NUP37: variants seen among roughly 807,000 people sequenced by gnomAD.
NUP37 encodes the protein nucleoporin 37, also known as nucleoporin Nup37.
In NUP37, 33 loss-of-function variants were observed where a neutral mutation model predicts 45.4. That is an observed-to-expected ratio of 0.73 (90% CI 0.55 to 0.97). The LOEUF is 0.97. Among genes scored for constraint, NUP37 ranks in the 50% least tolerant of loss-of-function variants. The pLI, the probability that NUP37 is intolerant of heterozygous loss-of-function variation, is 0.00. For synonymous variants in NUP37, 127 were observed against 130.7 expected (o/e 0.97, Z 0.19); for missense variants, 365 against 389.7 (o/e 0.94, Z 0.53).
At chr12:102,075,813 C>A (rs953552976) in intron 8 of NUP37, among the ~76,000 whole-genome samples, 9 of 152,118 alleles carry the variant, frequency 5.9e-5, no homozygotes, top group South Asian at 4.1e-4. Context: ...GGGGATGAGA[C>A]ATAATTAGTT....
chr12:102,074,949 C>T, intron 9 of NUP37, 52 bp downstream of exon 9: 1 of 1,202,894 alleles, frequency 8.3e-7, no homozygotes. Context: ...AAGTCAAAAA[C>T]ACAAATTAAA....
chr12:102,092,563 G>T (rs901994709), intron 5 of NUP37, among the ~76,000 whole-genome samples: 3 of 152,178 alleles, frequency 2.0e-5, no homozygotes, highest in Admixed American at 6.5e-5. Context: ...ATGATTCAAA[G>T]AAGGGTAAGT....
At chr12:102,074,966 A>C in intron 9 of NUP37, 35 bp downstream of exon 9, 1 of 1,337,618 alleles carries the variant, frequency 7.5e-7, no homozygotes, top group East Asian at 2.4e-5. Context: ...TAAAAAAAAA[A>C]AAAGCACGTA....
At chr12:102,106,062 T>C (rs933279228) in intron 3 of NUP37, among the ~76,000 whole-genome samples, 1 of 151,892 alleles carries the variant, frequency 6.6e-6, no homozygotes. Flanking sequence ...ACAGAGGAGA[T>C]ATGAAGGGTA....
intron 1 of NUP37, chr12:102,118,933 A>T (rs1193238935): frequency 6.1e-6 from 1 of 163,032 alleles, no homozygotes; most frequent in Non-Finnish European, 1.3e-5. Flanking sequence ...TAGGTACCAT[A>T]TTAAGCATTT....
chr12:102,083,562 CTT>C (rs1879389917), intron 6 of NUP37, among the ~76,000 whole-genome samples: 1 of 152,274 alleles, frequency 6.6e-6, no homozygotes, highest in South Asian at 2.1e-4. Context: ...GATTCTAAAA[CTT>C]ATTTGTGTTG....
intron 3 of NUP37, among the ~76,000 whole-genome samples, chr12:102,107,209 T>G (rs1261528103): frequency 6.6e-6 from 1 of 152,200 alleles, no homozygotes; most frequent in Non-Finnish European, 1.5e-5. Flanking sequence ...CAACCCCTTG[T>G]ATTTCGGTAA....
At chr12:102,096,114 C>T (rs924312512) in intron 5 of NUP37, among the ~76,000 whole-genome samples, 13 of 151,866 alleles carry the variant, frequency 8.6e-5, no homozygotes, top group South Asian at 2.1e-4. Context: ...AATTAAGGGA[C>T]GATAATAATT....
At chr12:102,087,187 G>A in intron 5 of NUP37, among the ~76,000 whole-genome samples, 1 of 152,140 alleles carries the variant, frequency 6.6e-6, no homozygotes, top group East Asian at 1.9e-4. Context: ...TATCTCATTA[G>A]GGAACCAATG....
At chr12:102,098,994 TA>T in intron 5 of NUP37, 111 bp downstream of exon 5, 2 of 774,864 alleles carry the variant, frequency 2.6e-6, no homozygotes, top group Non-Finnish European at 4.5e-6. Context: ...ATGCTTCTTT[TA>T]CAACACTCTA....
intron 2 of NUP37, among the ~76,000 whole-genome samples, chr12:102,115,065 AAT>A (rs1216496082): frequency 4.6e-5 from 7 of 152,194 alleles, no homozygotes; most frequent in Admixed American, 2.6e-4. Context: ...TGTCCATTCA[AAT>A]AGAGATGACA....
intron 6 of NUP37, among the ~76,000 whole-genome samples, chr12:102,079,424 T>C (rs1236842333): frequency 3.3e-5 from 5 of 152,244 alleles, no homozygotes; most frequent in Non-Finnish European, 1.5e-5. Context: ...TTTGTTATTA[T>C]AAAGTTGCTG....
At chr12:102,115,203 C>A (rs1880429684) in intron 2 of NUP37, among the ~76,000 whole-genome samples, 1 of 152,152 alleles carries the variant, frequency 6.6e-6, no homozygotes, top group Admixed American at 6.6e-5. Context: ...CTGCTGAGAA[C>A]TACAGAGTAT....
chr12:102,081,161 G>A (rs1035243829), intron 6 of NUP37, among the ~76,000 whole-genome samples: 1 of 152,198 alleles, frequency 6.6e-6, no homozygotes, highest in African/African-American at 2.4e-5. Flanking sequence ...AATGGTATGA[G>A]TTAGTAAATA....
intron 5 of NUP37, among the ~76,000 whole-genome samples, chr12:102,088,703 A>ATT (rs768691385): frequency 4.6e-5 from 5 of 109,014 alleles, no homozygotes; most frequent in South Asian, 3.0e-4. Context: ...TTTTGTTTTA[A>ATT]TTTTTTTTTT....
At chr12:102,076,890 T>A in intron 7 of NUP37, 43 bp from the exon 8 acceptor site, 1 of 1,418,402 alleles carries the variant, frequency 7.1e-7, no homozygotes, top group Non-Finnish European at 9.9e-7. Flanking sequence ...TGTGTTAAAC[T>A]CAAGTGGGTG....
At chr12:102,110,967 T>G (rs567851782) in intron 3 of NUP37, among the ~76,000 whole-genome samples, 1 of 152,358 alleles carries the variant, frequency 6.6e-6, no homozygotes, top group Non-Finnish European at 1.5e-5. Context: ...ACATCTACCC[T>G]GTGACTCAGC....
chr12:102,075,823 T>G (rs1879150392), intron 8 of NUP37, among the ~76,000 whole-genome samples: 1 of 152,146 alleles, frequency 6.6e-6, no homozygotes, highest in South Asian at 2.1e-4. Context: ...CATAATTAGT[T>G]TAAGGCAGTC....
At chr12:102,114,989 C>A (rs1880422780) in intron 2 of NUP37, among the ~76,000 whole-genome samples, 1 of 152,192 alleles carries the variant, frequency 6.6e-6, no homozygotes, top group Non-Finnish European at 1.5e-5. Flanking sequence ...AGCTGATCTC[C>A]TCTAGGTGAA....
Sources: allele counts gnomAD v4.1 joint callset (sites outside exome capture counted in the v4.1 genomes callset), GRCh38; gene constraint gnomAD v4.1.1; transcripts MANE v1.5; gene names NCBI Gene and HGNC (gene_info 2026-07-23, HGNC 2026-07-21).